The following HSPA8 variants were observed in gnomAD, a reference collection of about 807,000 sequenced individuals.
The protein encoded by HSPA8 is heat shock protein family A (Hsp70) member 8.
HSPA8 carries 2 observed loss-of-function variants against 52.8 expected under a neutral mutation model. The ratio of observed to expected loss-of-function variants is 0.04; its 90% confidence interval spans 0.02 to 0.12. HSPA8 has a LOEUF of 0.12. Ranked by LOEUF, HSPA8 falls within the 10% of genes least tolerant of loss-of-function variation. The probability of loss-of-function intolerance (pLI) is 1.00; values close to 1 mark genes in which losing one functional copy is unlikely to be tolerated. For synonymous variants in HSPA8, 436 were observed against 274.0 expected, an observed-to-expected ratio of 1.59 and a Z score of -5.84; for missense variants, 349 against 800.5, an observed-to-expected ratio of 0.44 and a Z score of 6.81.
intron 6 of HSPA8, 83 bp downstream of exon 6, chr11:123,058,976 G>A (rs1865405531): frequency 1.4e-6 from 2 of 1,430,776 alleles, no homozygotes; most frequent in African/African-American, 1.4e-5. Context: ...GAATGGTTTT[G>A]GAATCCATCA....
intron 8 of HSPA8, 76 bp downstream of exon 8, chr11:123,058,176 C>T (rs1254291223): frequency 1.0e-6 from 1 of 966,974 alleles, no homozygotes; most frequent in Non-Finnish European, 1.6e-6. Flanking sequence ...ACACTGAAAT[C>T]CAGCTCAAGC....
Position 123,060,284 on chromosome 11 carries a change from A to C in HSPA8, c.412-16T>G, listed in dbSNP as rs1865451915. 2.5e-6 allele frequency: 4 copies of C among 1,611,132 alleles called. No homozygotes were observed. Among genetic ancestry groups the C allele is most frequent in the African/African-American group, 1.3e-5 (1 of 74,838 alleles). ...TGGTAACAGTCTAGGAATAAGGAAA[A>C]GACCACAGATTGGTAACTATTATAC... On this transcript the variant is annotated splice_polypyrimidine_tract_variant and intron_variant, in intron 3 of 8. Transcript: ENST00000534624.
In HSPA8 at chr11:123,059,278, T is replaced by A. The variant is rs368360341; in HGVS notation, c.1121-17A>T. 2 of 1,605,086 alleles carry A rather than the reference T, an allele frequency of 1.2e-6. No homozygotes were observed. The highest frequency in any genetic ancestry group is 1.7e-6 in the Non-Finnish European group (2 of 1,173,726). ...CCTGGACAGCTAGCAAACAAAAAGTTAACGTTAAAAGAAGTTAAAAGAAAA... is the reference window on the plus strand; with the variant it reads ...CCTGGACAGCTAGCAAACAAAAAGTAAACGTTAAAAGAAGTTAAAAGAAAA... On this transcript the variant is annotated splice_polypyrimidine_tract_variant and intron_variant, in intron 5 of 8. Coordinates refer to ENST00000534624, the MANE Select transcript of HSPA8 (RefSeq NM_006597.6).
rs41297901 is a variant in HSPA8, at chr11:123,060,065, G to A, written c.565-37C>T. 6.2e-3 allele frequency: 10,081 copies of A among 1,613,806 alleles called. 50 individuals are homozygous for A. Among genetic ancestry groups the A allele is most frequent in the Non-Finnish European group, 7.0e-3 (8,210 of 1,179,820 alleles). ...AACAATCTCATTTAAATTTACGATG[G>A]ATCAAATTAATCTTAAAATAATCCG... On this transcript the variant is annotated intron_variant, in intron 4 of 8. Coordinates refer to ENST00000534624, the MANE Select transcript of HSPA8 (RefSeq NM_006597.6).
Position 123,058,732 on chromosome 11 carries a change from A to T in HSPA8, c.1422T>A (p.Ile474=), listed in dbSNP as rs1275546345. 1.9e-6 allele frequency: 3 copies of T among 1,613,932 alleles called. No homozygotes were observed. The highest frequency in any genetic ancestry group is 8.5e-7 in the Non-Finnish European group (1 of 1,179,974). Residue 474 remains isoleucine, a synonymous_variant, in exon 7 of 9, where the codon ATT becomes ATA. Transcript: ENST00000534624. ...IPPAPRGVPQ[I]EVTFDIDANG... The stretch of plus-strand genomic sequence containing the variant: ...TGGCATCAATGTCAAAAGTGACTTC[A>T]ATCTGAGGAACACCTCGGGGTGCAG...
intron 3 of HSPA8, 37 bp downstream of exon 3, chr11:123,060,556 C>A (rs1865466647): frequency 1.3e-6 from 2 of 1,491,990 alleles, no homozygotes; most frequent in Non-Finnish European, 1.9e-6. Context: ...CTTTTAACTA[C>A]TCCGGAATGC....
chr11:123,058,165 T>A, intron 8 of HSPA8, 87 bp downstream of exon 8: 14 of 898,702 alleles, frequency 1.6e-5, no homozygotes, highest in Admixed American at 2.1e-5. Context: ...ATTGTGACCC[T>A]ACACTGAAAT....
intron 5 of HSPA8, 75 bp downstream of exon 5, chr11:123,059,398 G>GT (rs111708230): frequency 0.019 from 25,522 of 1,351,702 alleles, 337 homozygotes; most frequent in Middle Eastern, 0.023. Context: ...AACTACGAAT[G>GT]TTTAACAATC....
In HSPA8 at chr11:123,060,122, G is replaced by A; in HGVS notation, c.558C>T (p.Asp186=). 1 of 1,613,970 alleles carries A rather than the reference G, an allele frequency of 6.2e-7. No individual in the cohort carries two copies. The highest frequency in any genetic ancestry group is 8.5e-7 in the Non-Finnish European group (1 of 1,179,980). The change falls in exon 4 of 9, where the codon GAC becomes GAT. Residue 186 remains aspartate (D), a synonymous_variant. Coordinates refer to ENST00000534624, the MANE Select transcript of HSPA8 (RefSeq NM_006597.6). ...PTAAAIAYGL[D]KKVGAERNVL... Reference sequence around the variant, plus strand: ...CATCACAAATGGTACATACCTTTTTGTCTAAGCCGTAAGCAATAGCAGCAG... The same window carrying A: ...CATCACAAATGGTACATACCTTTTTATCTAAGCCGTAAGCAATAGCAGCAG...
intron 6 of HSPA8, 52 bp downstream of exon 6, chr11:123,059,007 C>A (rs1227754860): frequency 9.1e-6 from 14 of 1,530,308 alleles, no homozygotes; most frequent in South Asian, 1.1e-5. Flanking sequence ...TCAGTCAAGA[C>A]TTCCCTTTAT....
In HSPA8 at chr11:123,061,469, G is replaced by GC. The variant is rs1243637930; in HGVS notation, c.-5-141dup. On this transcript the variant is annotated intron_variant, in intron 1 of 8. Transcript: ENST00000534624. The stretch of plus-strand genomic sequence containing the variant: ...CCCATCACCTCCTGTCTAAGCACGC[G>GC]CGAGGTCCAGAACTAGTGCTGCAGT... 12 of 679,434 alleles carry GC rather than the reference G, an allele frequency of 1.8e-5. No homozygotes were observed. In the African/African-American group the frequency reaches 2.0e-4, roughly 11 times the overall value. The allele number at this position is 679,434 out of a possible 1,614,324, so 42.1% of individuals were successfully genotyped here.
rs1555074090 is a variant in HSPA8 at position 123,058,237 on chromosome 11, A to AAAAC, written c.1755+14_1755+15insGTTT. 2.7e-6 allele frequency: 4 copies of AAAAC among 1,503,150 alleles called. No individual in the cohort carries two copies. Among genetic ancestry groups the AAAAC allele is most frequent in the East Asian group, 2.3e-5 (1 of 44,288 alleles). 93.1% of individuals were successfully genotyped at this position (1,503,150 alleles called of 1,614,324 possible). A position where few individuals can be genotyped will look rare whatever the true frequency, so the allele number is the denominator to read the frequency against. ...ATTGAGTGGGGGAGGAAAAAAAAAA[A>AAAAC]AAAAAAACACAAACCTGATTCTTAT... On this transcript the variant is annotated intron_variant, in intron 8 of 8. Transcript: ENST00000534624.
intron 5 of HSPA8, 31 bp from the exon 6 acceptor site, chr11:123,059,292 G>A (rs566723570): frequency 5.7e-6 from 9 of 1,586,974 alleles, no homozygotes; most frequent in African/African-American, 5.4e-5. Flanking sequence ...GTTAAAAGAA[G>A]TTAAAAGAAA....
At chr11:123,058,218 TG>T (rs748754767) in intron 8 of HSPA8, 33 bp downstream of exon 8, 2 of 1,168,274 alleles carry the variant, frequency 1.7e-6, no homozygotes, top group South Asian at 2.6e-5. Context: ...CTCCATTGAG[TG>T]GGGGAGGAAA....
rs1023423520 is a variant in HSPA8 at position 123,060,915 on chromosome 11, A to G, written c.206-117T>C. The G allele has an allele frequency of 7.2e-6, 7 of 977,994 alleles. No individual in the cohort carries two copies. In the African/African-American group the frequency reaches 8.1e-5, roughly 11 times the overall value. 60.6% of individuals were successfully genotyped at this position (977,994 alleles called of 1,614,324 possible). On this transcript the variant is annotated intron_variant, in intron 2 of 8. Transcript: ENST00000534624. ...AGGTAGGTGAATTCAACTACCATAT[A>G]GGTAGCAAAGGTTCAAACTTCAACC... is the stretch of plus-strand genomic sequence containing the variant.
chr11:123,059,760 G>C lies in HSPA8; in HGVS notation c.833C>G (p.Thr278Ser). Residue 278 changes from threonine to serine, a missense_variant, in exon 5 of 9, where the codon ACC becomes AGC. Coordinates refer to ENST00000534624, the MANE Select transcript of HSPA8 (RefSeq NM_006597.6). ...AGAATCGATCTCAATACTGGCCTGG[G>C]TGCTGGAAGAGAGGGTACGCTTAGC... ...ERAKRTLSSS[T>S]QASIEIDSLY... 1 of 1,613,910 alleles carries C rather than the reference G, an allele frequency of 6.2e-7. No homozygotes were observed. The highest frequency in any genetic ancestry group is 1.1e-5 in the South Asian group (1 of 91,064).
intron 8 of HSPA8, 25 bp downstream of exon 8, chr11:123,058,227 A>G (rs758440736): frequency 1.6e-4 from 68 of 420,138 alleles, no homozygotes; most frequent in South Asian, 5.5e-4. Context: ...GTGGGGGAGG[A>G]AAAAAAAAAA....
intron 1 of HSPA8, 147 bp from the exon 2 acceptor site, chr11:123,061,476 C>G: frequency 1.5e-6 from 1 of 657,578 alleles, no homozygotes; most frequent in East Asian, 2.7e-5. Context: ...CGCGCGAGGT[C>G]CAGAACTAGT....
At chr11:123,058,996 G>T in intron 6 of HSPA8, 63 bp downstream of exon 6, 1 of 1,483,194 alleles carries the variant, frequency 6.7e-7, no homozygotes, top group Non-Finnish European at 9.4e-7. Flanking sequence ...ATCATAGCGA[G>T]TCAGTCAAGA....
Sources: gnomAD v4.1 joint callset for allele counts on GRCh38, gnomAD v4.1.1 for gene constraint, MANE v1.5 for transcripts, NCBI Gene and HGNC (gene_info 2026-07-23, HGNC 2026-07-21) for gene names.